The following GRID2 variants were observed in gnomAD, a reference collection of about 807,000 sequenced individuals.
GRID2 encodes glutamate ionotropic receptor delta type subunit 2.
GRID2 carries 33 observed loss-of-function variants against 114.8 expected under a neutral mutation model. The ratio of observed to expected loss-of-function variants is 0.29; its 90% CI spans 0.22 to 0.38. The LOEUF (loss-of-function observed/expected upper bound fraction) is 0.38. GRID2 is among the 10% of genes least tolerant of loss of function. The pLI, the probability that GRID2 is intolerant of heterozygous loss-of-function variation, is 1.00. For synonymous variants in GRID2, 505 were observed against 449.9 expected, an observed-to-expected ratio of 1.12 and a Z score of -1.55; for missense variants, 1,184 against 1,257.7, an observed-to-expected ratio of 0.94 and a Z score of 0.89.
intron 2 of GRID2, among the ~76,000 whole-genome samples, chr4:92,867,196 C>A (rs576565307): frequency 6.6e-6 from 1 of 151,752 alleles, no homozygotes; most frequent in African/African-American, 2.4e-5. Flanking sequence ...TTGGTTATTG[C>A]GCTGCAATAA....
rs969105693 is a variant in GRID2, at chr4:93,509,537, T to A, written c.1998-5679T>A. ...AAAGTGTCTTATAAACAATATCTAATTCAAACCTCTAGATACCTTAATATA... is the reference window on the plus strand; with the variant it reads ...AAAGTGTCTTATAAACAATATCTAAATCAAACCTCTAGATACCTTAATATA... On this transcript the variant is annotated intron_variant, in intron 12 of 15. Coordinates refer to ENST00000282020, the MANE Select transcript of GRID2 (RefSeq NM_001510.4). Among the ~76,000 whole-genome samples the A allele has an allele frequency of 3.9e-5, 6 of 152,208 alleles. 1 individual carries two copies. Among genetic ancestry groups the A allele is most frequent in the South Asian group, 4.1e-4 (2 of 4,822 alleles).
At chr4:93,631,439 C>A (rs113943090) in intron 14 of GRID2, among the ~76,000 whole-genome samples, 4 of 152,140 alleles carry the variant, frequency 2.6e-5, no homozygotes, top group South Asian at 4.1e-4. Flanking sequence ...TTGTTCAATT[C>A]CCACCTATGA....
At chr4:92,962,057 A>G (rs1752856420) in intron 2 of GRID2, among the ~76,000 whole-genome samples, 1 of 151,794 alleles carries the variant, frequency 6.6e-6, no homozygotes, top group Non-Finnish European at 1.5e-5. Flanking sequence ...TACATTGCCC[A>G]TCTGTTCTTA....
chr4:93,328,843 C>A (rs114934345), intron 8 of GRID2, among the ~76,000 whole-genome samples: 1 of 152,000 alleles, frequency 6.6e-6, no homozygotes, highest in Non-Finnish European at 1.5e-5. Flanking sequence ...ATTTGAAAGG[C>A]ATGAATTCAT....
chr4:93,630,747 A>G (rs1168125721), intron 14 of GRID2, among the ~76,000 whole-genome samples: 1 of 152,210 alleles, frequency 6.6e-6, no homozygotes, highest in African/African-American at 2.4e-5. Context: ...AACAGTAGCT[A>G]TGCCCTTTCT....
chr4:93,030,673 C>A (rs1724330137), intron 2 of GRID2, among the ~76,000 whole-genome samples: 1 of 152,082 alleles, frequency 6.6e-6, no homozygotes, highest in Admixed American at 6.6e-5. Flanking sequence ...GTGTGAGACA[C>A]CACGCCCAGC....
chr4:92,660,448 C>A (rs1732462151), intron 2 of GRID2, among the ~76,000 whole-genome samples: 1 of 151,154 alleles, frequency 6.6e-6, no homozygotes, highest in African/African-American at 2.4e-5. Flanking sequence ...ATAAACAGGA[C>A]AAAAAGTGCA....
intron 2 of GRID2, among the ~76,000 whole-genome samples, chr4:92,891,100 C>G (rs990968526): frequency 2.0e-5 from 3 of 152,006 alleles, no homozygotes; most frequent in African/African-American, 4.8e-5. Context: ...ACATCACACA[C>G]CAGGGGCCTG....
chr4:93,093,712 C>T (rs578147688), intron 3 of GRID2, among the ~76,000 whole-genome samples: 11 of 151,984 alleles, frequency 7.2e-5, no homozygotes, highest in African/African-American at 2.2e-4. Context: ...GTGCTATATC[C>T]GACAAAGCCA....
At chr4:93,006,065 C>G (rs1279144080) in intron 2 of GRID2, among the ~76,000 whole-genome samples, 1 of 152,020 alleles carries the variant, frequency 6.6e-6, no homozygotes, top group Non-Finnish European at 1.5e-5. Context: ...AAAGTAGCGT[C>G]TTAAAATATC....
chr4:93,304,301 T>C (rs1341538745), intron 8 of GRID2, among the ~76,000 whole-genome samples: 5 of 149,892 alleles, frequency 3.3e-5, no homozygotes, highest in Non-Finnish European at 5.9e-5. Context: ...CTGTTATCTA[T>C]GTTACATTAA....
intron 4 of GRID2, among the ~76,000 whole-genome samples, chr4:93,129,421 C>G (rs921443958): frequency 6.6e-6 from 1 of 152,052 alleles, no homozygotes; most frequent in Non-Finnish European, 1.5e-5. Flanking sequence ...CCAGGTCTTT[C>G]AGAATCTAGC....
intron 1 of GRID2, among the ~76,000 whole-genome samples, chr4:92,530,417 A>C (rs963746678): frequency 1.3e-5 from 2 of 151,354 alleles, no homozygotes; most frequent in Non-Finnish European, 2.9e-5. Flanking sequence ...TAACGTTTTC[A>C]AGACTTTGGA....
chr4:93,066,907 C>G (rs1406732442), intron 2 of GRID2, among the ~76,000 whole-genome samples: 1 of 151,924 alleles, frequency 6.6e-6, no homozygotes, highest in Admixed American at 6.6e-5. Context: ...ACCCAGATGG[C>G]TACTATGTGG....
At chr4:92,884,357 C>G (rs1746223183) in intron 2 of GRID2, among the ~76,000 whole-genome samples, 1 of 152,146 alleles carries the variant, frequency 6.6e-6, no homozygotes, top group South Asian at 2.1e-4. Context: ...CAAGCCTTCT[C>G]TATATCATCA....
At chr4:93,694,932 G>T (rs971999275) in intron 14 of GRID2, among the ~76,000 whole-genome samples, 1 of 152,138 alleles carries the variant, frequency 6.6e-6, no homozygotes, top group Non-Finnish European at 1.5e-5. Flanking sequence ...AGCACTTTGG[G>T]AGGCCGAGAC....
At chr4:93,316,248 GAAAA>G (rs888517604) in intron 8 of GRID2, among the ~76,000 whole-genome samples, 1 of 138,282 alleles carries the variant, frequency 7.2e-6, no homozygotes, top group Non-Finnish European at 1.6e-5. Flanking sequence ...AACAAGGCAA[GAAAA>G]AAAAGAAAGA....
chr4:93,657,122 C>T (rs1252623560), intron 14 of GRID2, among the ~76,000 whole-genome samples: 2 of 151,940 alleles, frequency 1.3e-5, no homozygotes, highest in Non-Finnish European at 2.9e-5. Flanking sequence ...TTGATAACAT[C>T]TATTTAAGAA....
At chr4:92,572,358 A>T (rs1022517212) in intron 1 of GRID2, among the ~76,000 whole-genome samples, 18 of 152,062 alleles carry the variant, frequency 1.2e-4, no homozygotes, top group African/African-American at 4.3e-4. Context: ...CTCTGAATAG[A>T]CCAATAACAG....
Sources: allele counts gnomAD v4.1 joint callset (sites outside exome capture counted in the v4.1 genomes callset), GRCh38; gene constraint gnomAD v4.1.1; transcripts MANE v1.5; gene names NCBI Gene and HGNC (gene_info 2026-07-23, HGNC 2026-07-21).